The following SMAP1 variants were observed in gnomAD, a reference collection of about 807,000 sequenced individuals.
SMAP1 encodes the protein stromal membrane-associated protein 1.
SMAP1 carries 24 observed loss-of-function variants against 58.5 expected under a neutral mutation model. The ratio of observed to expected loss-of-function variants is 0.41; its 90% CI spans 0.30 to 0.58. The LOEUF (loss-of-function observed/expected upper bound fraction) is 0.58. Among genes scored for constraint, SMAP1 ranks in the 20% least tolerant of loss-of-function variants. SMAP1 has a pLI of 0.29. For missense variants in SMAP1, 563 were observed against 566.3 expected (o/e 0.99, Z 0.06); for synonymous variants, 216 against 196.6 (o/e 1.10, Z -0.82).
chr6:70,826,934 CAAAAAAA>C (rs61069311), intron 6 of SMAP1, among the ~76,000 whole-genome samples: 33,152 of 75,564 alleles, frequency 0.44, 3,821 homozygotes, highest in Middle Eastern at 0.54. Context: ...AACCGTGTCT[CAAAAAAA>C]AAAAAAAAAA....
chr6:70,706,642 A>G (rs1043521352), intron 1 of SMAP1, among the ~76,000 whole-genome samples: 2 of 152,232 alleles, frequency 1.3e-5, no homozygotes, highest in African/African-American at 2.4e-5. Flanking sequence ...TAAGAATTGC[A>G]TAACCCTATT....
chr6:70,707,027 G>A (rs140529092), intron 1 of SMAP1, among the ~76,000 whole-genome samples: 2,011 of 152,104 alleles, frequency 0.013, 55 homozygotes, highest in African/African-American at 0.045. Context: ...CTTATTCTGG[G>A]TTTTTCTTTG....
At chr6:70,853,277 G>T in intron 8 of SMAP1, among the ~76,000 whole-genome samples, 1 of 151,746 alleles carries the variant, frequency 6.6e-6, no homozygotes, top group Admixed American at 6.6e-5. Flanking sequence ...AAGTATTAAT[G>T]GTGAAGAAAT....
At chr6:70,669,851 G>C (rs888258359) in intron 1 of SMAP1, among the ~76,000 whole-genome samples, 3 of 151,786 alleles carry the variant, frequency 2.0e-5, no homozygotes, top group African/African-American at 7.3e-5. Flanking sequence ...TTTAATTTTT[G>C]TTCAAATTTC....
chr6:70,829,162 T>C (rs1051610913), intron 6 of SMAP1, among the ~76,000 whole-genome samples: 1 of 152,338 alleles, frequency 6.6e-6, no homozygotes, highest in Middle Eastern at 3.4e-3. Flanking sequence ...ATACTTTTCA[T>C]GTGGTCTTTA....
intron 10 of SMAP1, chr6:70,859,296 C>T: frequency 1.3e-6 from 2 of 1,490,844 alleles, no homozygotes; most frequent in South Asian, 1.3e-5. Context: ...CTAGATGAAC[C>T]AGGAAGGAGT....
At chr6:70,726,667 T>A (rs1768799111) in intron 1 of SMAP1, among the ~76,000 whole-genome samples, 1 of 152,186 alleles carries the variant, frequency 6.6e-6, no homozygotes, top group African/African-American at 2.4e-5. Context: ...ATTTCTCAAA[T>A]CATGTGAAAG....
chr6:70,710,413 C>T (rs1562107050), intron 1 of SMAP1, among the ~76,000 whole-genome samples: 2 of 147,560 alleles, frequency 1.4e-5, no homozygotes, highest in African/African-American at 5.0e-5. Flanking sequence ...ATCGCTTGAA[C>T]CCGAGATTGC....
At chr6:70,748,113 A>C (rs1766120315) in intron 2 of SMAP1, among the ~76,000 whole-genome samples, 1 of 152,172 alleles carries the variant, frequency 6.6e-6, no homozygotes, top group Non-Finnish European at 1.5e-5. Flanking sequence ...TCTTGAAACC[A>C]GTCCTGAAAG....
chr6:70,843,163 C>CG (rs1770866255), intron 7 of SMAP1, among the ~76,000 whole-genome samples: 1 of 151,326 alleles, frequency 6.6e-6, no homozygotes, highest in Non-Finnish European at 1.5e-5. Flanking sequence ...CTCCCCCCCC[C>CG]CTTTTTAAAA....
At chr6:70,668,669 A>C (rs1251927478) in intron 1 of SMAP1, 2 of 1,535,806 alleles carry the variant, frequency 1.3e-6, no homozygotes, top group East Asian at 2.4e-5. Flanking sequence ...GCTTTTGTAC[A>C]AGGCTTTTAT....
At chr6:70,730,946 C>T (rs979490531) in intron 1 of SMAP1, among the ~76,000 whole-genome samples, 3 of 152,114 alleles carry the variant, frequency 2.0e-5, no homozygotes, top group Admixed American at 2.0e-4. Context: ...ATTACAGGCA[C>T]CTGCCACCAT....
chr6:70,790,059 TG>T (rs1311747198), intron 4 of SMAP1, among the ~76,000 whole-genome samples: 40 of 152,366 alleles, frequency 2.6e-4, no homozygotes, highest in African/African-American at 9.4e-4. Flanking sequence ...TTTATATTTT[TG>T]TTCCACTTTT....
intron 4 of SMAP1, among the ~76,000 whole-genome samples, chr6:70,782,054 G>A (rs762775195): frequency 6.4e-4 from 97 of 152,282 alleles, no homozygotes; most frequent in Middle Eastern, 6.8e-3. Context: ...ATGGATAGAT[G>A]GGGTGGGTGG....
intron 8 of SMAP1, among the ~76,000 whole-genome samples, chr6:70,855,073 T>TACATAC (rs1302536696): frequency 6.6e-6 from 1 of 150,716 alleles, no homozygotes; most frequent in Non-Finnish European, 1.5e-5. Context: ...CATATACATA[T>TACATAC]ACATATACAT....
intron 7 of SMAP1, among the ~76,000 whole-genome samples, chr6:70,851,475 A>G (rs748350783): frequency 1.3e-5 from 2 of 152,208 alleles, no homozygotes; most frequent in Non-Finnish European, 2.9e-5. Context: ...TGATGAGAGT[A>G]TGGTCTACCA....
chr6:70,682,637 TC>T (rs1470792024), intron 1 of SMAP1, among the ~76,000 whole-genome samples: 1 of 152,216 alleles, frequency 6.6e-6, no homozygotes, highest in Non-Finnish European at 1.5e-5. Context: ...ACTTTTTTTT[TC>T]AGAATAAAAT....
intron 4 of SMAP1, among the ~76,000 whole-genome samples, chr6:70,787,549 A>T (rs1367107875): frequency 6.6e-6 from 1 of 152,204 alleles, no homozygotes; most frequent in Non-Finnish European, 1.5e-5. Flanking sequence ...CAATCTACTC[A>T]TCTGACAAAG....
chr6:70,749,078 G>T (rs1376511391), intron 2 of SMAP1, among the ~76,000 whole-genome samples: 3 of 152,158 alleles, frequency 2.0e-5, no homozygotes, highest in Non-Finnish European at 4.4e-5. Flanking sequence ...AGGAAAGGAG[G>T]TTTAATTGAC....
Sources: gnomAD v4.1 joint callset for allele counts (sites outside exome capture counted in the v4.1 genomes callset) on GRCh38, gnomAD v4.1.1 for gene constraint, MANE v1.5 for transcripts, NCBI Gene and HGNC (gene_info 2026-07-23, HGNC 2026-07-21) for gene names.